The following UBAC2 variants were observed in gnomAD, a reference collection of about 807,000 sequenced individuals.
The protein encoded by UBAC2 is UBA domain containing 2, also known as ubiquitin-associated domain-containing protein 2.
A neutral mutation model predicts 44.0 loss-of-function variants in UBAC2; 26 were observed. That is an observed-to-expected ratio of 0.59 (90% confidence interval 0.43 to 0.82). The LOEUF (loss-of-function observed/expected upper bound fraction) is 0.82, where lower values mean the gene tolerates loss of function less well. UBAC2 is among the 40% of genes least tolerant of loss of function. UBAC2 has a pLI of 0.00. For synonymous variants in UBAC2, 155 were observed against 154.3 expected (o/e 1.00, Z -0.04); for missense variants, 329 against 419.4 (o/e 0.78, Z 1.88).
intron 1 of UBAC2, chr13:99,201,439 G>A: frequency 1.9e-6 from 3 of 1,613,850 alleles, no homozygotes; most frequent in Non-Finnish European, 2.5e-6. Context: ...TCTCCAAGAA[G>A]AGTTTTTAGA....
intron 6 of UBAC2, among the ~76,000 whole-genome samples, chr13:99,320,618 C>T (rs2138782198): frequency 6.6e-6 from 1 of 152,238 alleles, no homozygotes; most frequent in Admixed American, 6.5e-5. Flanking sequence ...ATTCATGAAT[C>T]ATGGCCAGTT....
chr13:99,236,706 T>C (rs1420061111), intron 1 of UBAC2, among the ~76,000 whole-genome samples: 5 of 152,038 alleles, frequency 3.3e-5, no homozygotes, highest in Admixed American at 1.3e-4. Flanking sequence ...AGAAATTAGC[T>C]GGGCATGGTG....
At chr13:99,290,741 A>AG (rs1555327058) in intron 4 of UBAC2, among the ~76,000 whole-genome samples, 7 of 151,568 alleles carry the variant, frequency 4.6e-5, no homozygotes, top group East Asian at 3.9e-4. Flanking sequence ...AAAAAAAAAA[A>AG]AAAGAAAGAA....
chr13:99,337,722 C>G (rs1374604087), intron 6 of UBAC2, among the ~76,000 whole-genome samples: 1 of 152,148 alleles, frequency 6.6e-6, no homozygotes, highest in African/African-American at 2.4e-5. Context: ...TGTGCAGAGG[C>G]CTTGGCCTTC....
intron 1 of UBAC2, among the ~76,000 whole-genome samples, chr13:99,206,702 A>G (rs932012142): frequency 1.3e-5 from 2 of 152,142 alleles, no homozygotes; most frequent in African/African-American, 4.8e-5. Flanking sequence ...GGCCCTTGGC[A>G]CCGTTTCTCA....
chr13:99,263,080 A>C (rs2043691328), intron 4 of UBAC2, among the ~76,000 whole-genome samples: 1 of 152,190 alleles, frequency 6.6e-6, no homozygotes, highest in Non-Finnish European at 1.5e-5. Flanking sequence ...CATGACTCTC[A>C]GATTGTATGT....
rs535202874 is a variant in UBAC2, at chr13:99,375,226, A to T, written c.927+7320A>T. Reference sequence around the variant, plus strand: ...ACAGTTGGTCTCAGAGCAGCCCAGAACGCTGGCAGGGTCTGTAATAACCAG... The same window carrying T: ...ACAGTTGGTCTCAGAGCAGCCCAGATCGCTGGCAGGGTCTGTAATAACCAG... On this transcript the variant is annotated intron_variant, in intron 8 of 8. Transcript: ENST00000403766. Among the ~76,000 whole-genome samples the T allele has an allele frequency of 6.6e-5, 10 of 152,204 alleles. No homozygotes were observed. In the South Asian group the frequency reaches 1.9e-3, roughly 28 times the overall value.
At chr13:99,214,759 C>T (rs1230961986) in intron 1 of UBAC2, among the ~76,000 whole-genome samples, 1 of 151,966 alleles carries the variant, frequency 6.6e-6, no homozygotes, top group African/African-American at 2.4e-5. Flanking sequence ...TGGAGAGTTT[C>T]TAGGATTTTA....
intron 4 of UBAC2, among the ~76,000 whole-genome samples, chr13:99,254,425 A>G (rs956970587): frequency 1.3e-5 from 2 of 152,208 alleles, no homozygotes; most frequent in Admixed American, 6.5e-5. Flanking sequence ...TTTGCCTTGT[A>G]GTAAGTAACA....
chr13:99,210,973 C>T (rs2042931592), intron 1 of UBAC2, among the ~76,000 whole-genome samples: 1 of 152,106 alleles, frequency 6.6e-6, no homozygotes, highest in Non-Finnish European at 1.5e-5. Flanking sequence ...TTGTTTCTCC[C>T]CTCCTTTATT....
At chr13:99,234,882 T>C (rs2043216532) in intron 1 of UBAC2, among the ~76,000 whole-genome samples, 1 of 152,222 alleles carries the variant, frequency 6.6e-6, no homozygotes, top group African/African-American at 2.4e-5. Context: ...AAAGCTGATA[T>C]TTTGTTCTAT....
chr13:99,341,423 G>T (rs114594673), intron 7 of UBAC2, among the ~76,000 whole-genome samples: 59,516 of 150,558 alleles, frequency 0.4, 13,042 homozygotes, highest in Non-Finnish European at 0.5. Context: ...ATATCAGGGG[G>T]GGGGAGGAAG....
At chr13:99,231,653 T>C (rs1426570816) in intron 1 of UBAC2, 1 of 152,078 alleles carries the variant, frequency 6.6e-6, no homozygotes, top group Non-Finnish European at 1.5e-5. Flanking sequence ...TTAAGTGATC[T>C]ACCCGTCTCG....
chr13:99,326,827 T>C (rs1417963270), intron 6 of UBAC2, among the ~76,000 whole-genome samples: 2 of 152,144 alleles, frequency 1.3e-5, no homozygotes, highest in African/African-American at 4.8e-5. Flanking sequence ...ACAGTTATTC[T>C]TAAAGTTTCC....
chr13:99,287,653 T>C (rs2044037247), intron 4 of UBAC2, among the ~76,000 whole-genome samples: 1 of 108,448 alleles, frequency 9.2e-6, no homozygotes, highest in Non-Finnish European at 1.9e-5. Flanking sequence ...CTTTTTTTTT[T>C]TTTTTTTTTT....
At chr13:99,244,291 C>T (rs988752328) in intron 3 of UBAC2, among the ~76,000 whole-genome samples, 2 of 151,778 alleles carry the variant, frequency 1.3e-5, no homozygotes, top group African/African-American at 4.8e-5. Context: ...AAAATTATGG[C>T]TGTTAATACA....
chr13:99,243,377 G>A (rs2043343741), intron 2 of UBAC2, among the ~76,000 whole-genome samples: 2 of 151,286 alleles, frequency 1.3e-5, no homozygotes, highest in African/African-American at 4.9e-5. Flanking sequence ...TTGCATAGTT[G>A]CTATGAAGTA....
intron 4 of UBAC2, among the ~76,000 whole-genome samples, chr13:99,310,406 T>G (rs1442969890): frequency 1.3e-5 from 2 of 152,228 alleles, no homozygotes; most frequent in African/African-American, 4.8e-5. Flanking sequence ...CTCATCTGCT[T>G]AAGCCAGAAA....
intron 7 of UBAC2, among the ~76,000 whole-genome samples, chr13:99,363,374 T>G (rs2045290836): frequency 6.6e-6 from 1 of 152,240 alleles, no homozygotes; most frequent in South Asian, 2.1e-4. Context: ...TACTTTTGAA[T>G]TTTGAGTATA....
Sources: allele counts gnomAD v4.1 joint callset (sites outside exome capture counted in the v4.1 genomes callset), GRCh38; gene constraint gnomAD v4.1.1; transcripts MANE v1.5; gene names NCBI Gene and HGNC (gene_info 2026-07-23, HGNC 2026-07-21).